Variants in TACC3 observed in about 807,000 individuals in gnomAD.
The protein encoded by TACC3 is transforming acidic coiled-coil containing protein 3.
TACC3 carries 52 observed loss-of-function variants against 86.0 expected under a neutral mutation model. The ratio of observed to expected loss-of-function variants is 0.60; its 90% CI spans 0.48 to 0.76. TACC3 has a LOEUF of 0.76. Ranked by LOEUF, TACC3 falls within the 30% of genes least tolerant of loss-of-function variation. The probability of loss-of-function intolerance (pLI) is 0.00; values close to 1 mark genes in which losing one functional copy is unlikely to be tolerated. For missense variants in TACC3, 1,120 were observed against 1,070.4 expected, an observed-to-expected ratio of 1.05 and a Z score of -0.65; for synonymous variants, 512 against 430.0, an observed-to-expected ratio of 1.19 and a Z score of -2.36.
intron 10 of TACC3, among the ~76,000 whole-genome samples, chr4:1,739,063 C>CT (rs1182302522): frequency 6.6e-6 from 1 of 152,172 alleles, no homozygotes; most frequent in African/African-American, 2.4e-5. Flanking sequence ...AATCCCAGTA[C>CT]TTTGGGAGGC....
chr4:1,739,482 C>T, intron 10 of TACC3: 1 of 580,290 alleles, frequency 1.7e-6, no homozygotes. Flanking sequence ...GCACAGCCAG[C>T]AGCCTCATGC....
chr4:1,740,014 G>A lies in TACC3; in HGVS notation c.2062+12G>A, dbSNP rs112568931. ...GTACCAGGCCATGGGTGAGTGCCCG[G>A]GCCACCGAGGCCACGTGCCTCCACG... is the stretch of plus-strand genomic sequence containing the variant. On this transcript the variant is annotated intron_variant, in intron 12 of 15. Transcript: ENST00000313288. 6.2e-7 allele frequency: 1 copy of A among 1,612,780 alleles called. No individual in the cohort carries two copies.
At position 1,744,696 on chromosome 4, in the gene TACC3, G is replaced by A. The variant is rs199503663; in HGVS notation, c.2331-16G>A. 13 of 1,612,238 alleles carry A rather than the reference G, an allele frequency of 8.1e-6. No homozygotes were observed. Among genetic ancestry groups the A allele is most frequent in the African/African-American group, 5.3e-5 (4 of 74,936 alleles). ...TGGGCCCCAGCTCAGCCTCTGCCCCGCCCCTACCCCTCCAGGGCAAACGAG... is the reference window on the plus strand; with the variant it reads ...TGGGCCCCAGCTCAGCCTCTGCCCCACCCCTACCCCTCCAGGGCAAACGAG... On this transcript the variant is annotated splice_polypyrimidine_tract_variant and intron_variant, in intron 14 of 15. Transcript: ENST00000313288.
At chr4:1,740,735 T>A (rs1718553236) in intron 12 of TACC3, 91 bp from the exon 13 acceptor site, 1 of 1,205,972 alleles carries the variant, frequency 8.3e-7, no homozygotes, top group Non-Finnish European at 1.2e-6. Context: ...CTCCTGGCGC[T>A]CGAGTCCCTT....
chr4:1,736,861 G>A (rs1268868181), intron 8 of TACC3, among the ~76,000 whole-genome samples: 1 of 151,896 alleles, frequency 6.6e-6, no homozygotes, highest in Non-Finnish European at 1.5e-5. Context: ...AGGGAGCCGA[G>A]ATCATGCCAC....
Position 1,735,175 on chromosome 4 carries a change from A to G in TACC3, c.1592-98A>G, listed in dbSNP as rs1577217426. 4 of 1,503,932 alleles carry G rather than the reference A, an allele frequency of 2.7e-6. No individual in the cohort carries two copies. The highest frequency in any genetic ancestry group is 3.7e-6 in the Non-Finnish European group (4 of 1,089,354). 93.2% of individuals were successfully genotyped at this position (1,503,932 alleles called of 1,614,324 possible). A position where few individuals can be genotyped will look rare whatever the true frequency, so the allele number is the denominator to read the frequency against. On this transcript the variant is annotated intron_variant, in intron 6 of 15. Transcript: ENST00000313288. The surrounding 1 kb of genome is among the most constrained non-coding windows in gnomAD (Gnocchi z 4.2). Reference sequence around the variant, plus strand: ...CAAGGGAGGAAATACTGCTGGCTGGAATGATCCTGCCTCACTGAGTGCTGA... The same window carrying G: ...CAAGGGAGGAAATACTGCTGGCTGGGATGATCCTGCCTCACTGAGTGCTGA...
chr4:1,744,641 G>GCC lies in TACC3; in HGVS notation c.2330+20_2330+21dup, dbSNP rs1718755774. 1.9e-6 allele frequency: 3 copies of GCC among 1,612,566 alleles called. No homozygotes were observed. Among genetic ancestry groups the GCC allele is most frequent in the Middle Eastern group, 1.7e-4 (1 of 6,054 alleles). On this transcript the variant is annotated intron_variant, in intron 14 of 15. Transcript: ENST00000313288. The stretch of plus-strand genomic sequence containing the variant: ...GCTGCAGCTGTGAGTGCTGGGCGAG[G>GCC]CCCCACCCTGGAGGGAGAATCTGAG...
chr4:1,721,380 G>GGA (rs1560285684), upstream of TACC3: 1 of 150,626 alleles, frequency 6.6e-6, no homozygotes, highest in African/African-American at 2.4e-5. Context: ...GCGGGGGGTG[G>GGA]GGGGGGAGGG....
At chr4:1,732,629 A>G (rs59411955) in intron 6 of TACC3, among the ~76,000 whole-genome samples, 2 of 152,362 alleles carry the variant, frequency 1.3e-5, no homozygotes, top group East Asian at 3.9e-4. Flanking sequence ...TGTCGCTGAC[A>G]GGATAGTTGT....
chr4:1,740,075 C>T, intron 12 of TACC3, 73 bp downstream of exon 12: 1 of 1,522,522 alleles, frequency 6.6e-7, no homozygotes, highest in Admixed American at 1.7e-5. Flanking sequence ...CCCTGCCCTG[C>T]ACCCTGCCTA....
Position 1,728,143 on chromosome 4 carries a change from G to T in TACC3, c.741G>T (p.Val247=), listed in dbSNP as rs1174280946. The part of the protein sequence containing the change: ...RHGGVCAPAA[V]ATSPPGAIPK... ...GTGGGGTCTGTGCTCCCGCAGCAGT[G>T]GCCACTTCGCCTCCTGGTGCAATCC... Residue 247 remains valine (V), a synonymous_variant, in exon 4 of 16, where the codon GTG becomes GTT. Transcript: ENST00000313288. The T allele has an allele frequency of 6.2e-7, 1 of 1,611,522 alleles. No homozygotes were observed.
Position 1,744,718 on chromosome 4 carries a change from CGAG to C in TACC3, c.2341_2343del (p.Glu781del), listed in dbSNP as rs1560331284. On this transcript the variant is annotated inframe_deletion, in exon 15 of 16. Transcript: ENST00000313288. ...CCCGCCCCTACCCCTCCAGGGCAAA[CGAG>C]GAGATCGCCCAGGTCCGGAGCAAGG... 2.0e-5 allele frequency: 32 copies of C among 1,612,568 alleles called. No individual in the cohort carries two copies. Among genetic ancestry groups the C allele is most frequent in the Non-Finnish European group, 2.6e-5 (31 of 1,179,948 alleles).
intron 12 of TACC3, 55 bp downstream of exon 12, chr4:1,740,057 C>T (rs1461094216): frequency 3.2e-6 from 5 of 1,586,826 alleles, no homozygotes; most frequent in Non-Finnish European, 4.3e-6. Flanking sequence ...GCCTATGCCC[C>T]ACCCTGGCCC....
At chr4:1,738,149 A>G in intron 10 of TACC3, 1 of 337,626 alleles carries the variant, frequency 3.0e-6, no homozygotes. Flanking sequence ...TGTACATGCC[A>G]GGCTTCAGCC....
chr4:1,744,856 A>G, intron 15 of TACC3, 24 bp downstream of exon 15: 4 of 1,612,878 alleles, frequency 2.5e-6, no homozygotes, highest in Non-Finnish European at 3.4e-6. Flanking sequence ...GCCCAGCTCA[A>G]GGGGCCGTCT....
intron 4 of TACC3, 69 bp downstream of exon 4, chr4:1,728,856 C>T (rs1577211114): frequency 6.9e-7 from 1 of 1,454,394 alleles, no homozygotes; most frequent in Non-Finnish European, 9.2e-7. Context: ...GGTCCAGGAC[C>T]CGAGGCCAGA....
At chr4:1,731,126 A>G (rs1355093719) in intron 5 of TACC3, 46 bp from the exon 6 acceptor site, 24 of 1,607,686 alleles carry the variant, frequency 1.5e-5, no homozygotes, top group Non-Finnish European at 2.0e-5. Context: ...CCACACCCCA[A>G]GTACCTTGAC....
upstream of TACC3, chr4:1,720,632 C>A (rs779442225): frequency 1.3e-6 from 2 of 1,538,630 alleles, no homozygotes; most frequent in South Asian, 1.2e-5. The surrounding 1 kb of genome is among the most constrained non-coding windows in gnomAD (Gnocchi z 4.4). Flanking sequence ...AGCAGCCTCA[C>A]CGAGCGGCAG....
intron 12 of TACC3, 40 bp from the exon 13 acceptor site, chr4:1,740,786 T>C (rs371071469): frequency 2.5e-6 from 4 of 1,576,274 alleles, no homozygotes; most frequent in Admixed American, 3.7e-5. Flanking sequence ...ATCGTTTCGG[T>C]TGCCTCCTCA....
Sources: allele counts gnomAD v4.1 joint callset (sites outside exome capture counted in the v4.1 genomes callset), GRCh38; gene constraint gnomAD v4.1.1; non-coding constraint Gnocchi (gnomAD v3.1); transcripts MANE v1.5; gene names NCBI Gene and HGNC (gene_info 2026-07-23, HGNC 2026-07-21).